SPATA13: variants seen among roughly 807,000 people sequenced by gnomAD.
SPATA13 encodes spermatogenesis associated 13, also known as spermatogenesis-associated protein 13.
Under a neutral mutation model 104.0 loss-of-function variants are expected in SPATA13, and 50 were observed. The ratio of observed to expected loss-of-function variants is 0.48; its 90% CI spans 0.38 to 0.61. SPATA13 has a LOEUF of 0.61. Among genes scored for constraint, SPATA13 ranks in the 20% least tolerant of loss-of-function variants. SPATA13 has a pLI of 0.00. For synonymous variants in SPATA13, 606 were observed against 667.5 expected (o/e 0.91, Z 1.42); for missense variants, 1,524 against 1,690.6 (o/e 0.90, Z 1.73).
chr13:24,049,201 C>T (rs910428985), intron 3 of SPATA13, among the ~76,000 whole-genome samples: 5 of 152,158 alleles, frequency 3.3e-5, no homozygotes, highest in African/African-American at 1.2e-4. Context: ...ACAGCAATAC[C>T]GTTGTGCCCA....
intron 3 of SPATA13, among the ~76,000 whole-genome samples, chr13:24,107,424 T>C (rs767946787): frequency 2.6e-5 from 4 of 151,996 alleles, no homozygotes; most frequent in Non-Finnish European, 4.4e-5. Context: ...TTGCCAAATG[T>C]TAAAAAGAAA....
rs368857210 is a variant in SPATA13 at position 24,168,354 on chromosome 13, C to T, written c.-112+7422C>T. 5.9e-5 allele frequency among the ~76,000 whole-genome samples: 9 copies of T among 152,206 alleles called. No individual in the cohort carries two copies. The East Asian group carries it at 1.5e-3, about 26-fold the overall frequency. On this transcript the variant is annotated intron_variant, in intron 1 of 12. Coordinates refer to ENST00000382108, the MANE Select transcript of SPATA13 (RefSeq NM_001166271.3). ...ATGAAAAATATGTGAATTCATGTCT[C>T]GAGTTTATGATTTGCTCTCTTTCTG...
At chr13:24,199,681 C>T (rs1870289939) in intron 1 of SPATA13, among the ~76,000 whole-genome samples, 1 of 152,114 alleles carries the variant, frequency 6.6e-6, no homozygotes, top group African/African-American at 2.4e-5. Flanking sequence ...GTGATCTAAG[C>T]TCTACTTCTG....
rs375004610 is a variant in SPATA13 at position 24,032,639 on chromosome 13, G to T, written c.-112+14938G>T. Among the ~76,000 whole-genome samples, 11 of 152,270 alleles carry T rather than the reference G, an allele frequency of 7.2e-5. No individual in the cohort carries two copies. In the East Asian group the frequency reaches 1.5e-3, roughly 21 times the overall value. On this transcript the variant is annotated intron_variant, in intron 3 of 14. Transcript: ENST00000424834. The stretch of plus-strand genomic sequence containing the variant: ...ATAGAAGATTTTGGTTGAAAATAAG[G>T]CATTAGAGTTTCAGAAACATGGGAA...
At chr13:24,254,397 C>T (rs567460662) in intron 4 of SPATA13, 1 of 152,420 alleles carries the variant, frequency 6.6e-6, no homozygotes, top group South Asian at 2.1e-4. Flanking sequence ...GTCACTGCTT[C>T]AGAGCTTGCG....
At chr13:24,156,487 T>G (rs1041044628), upstream of SPATA13, among the ~76,000 whole-genome samples, 8 of 152,202 alleles carry the variant, frequency 5.3e-5, no homozygotes, top group Non-Finnish European at 1.0e-4. Context: ...GGAGGCAAAA[T>G]GCTTTCCTCT....
chr13:24,191,227 C>T (rs2265618), intron 1 of SPATA13, among the ~76,000 whole-genome samples: 15,602 of 152,144 alleles, frequency 0.1, 2,585 homozygotes, highest in African/African-American at 0.35. Context: ...CCTCCTGCCT[C>T]GGCCTCCCAA....
chr13:24,028,712 G>A (rs1218259710), intron 3 of SPATA13, among the ~76,000 whole-genome samples: 1 of 152,164 alleles, frequency 6.6e-6, no homozygotes, highest in Non-Finnish European at 1.5e-5. Flanking sequence ...CCAATTGAAT[G>A]TTTGTCCGTT....
chr13:24,015,962 C>T (rs1211863795), intron 2 of SPATA13, among the ~76,000 whole-genome samples: 1 of 152,206 alleles, frequency 6.6e-6, no homozygotes, highest in Non-Finnish European at 1.5e-5. Flanking sequence ...CTTCTGCCCT[C>T]GGATGTCGCG....
chr13:24,122,362 G>C (rs1416374110), intron 3 of SPATA13: 1 of 1,553,540 alleles, frequency 6.4e-7, no homozygotes, highest in Non-Finnish European at 8.9e-7. Flanking sequence ...CACATCAACA[G>C]GGTTATCTTC....
At chr13:24,130,024 C>A (rs1881342766) in intron 3 of SPATA13, among the ~76,000 whole-genome samples, 1 of 152,214 alleles carries the variant, frequency 6.6e-6, no homozygotes, top group African/African-American at 2.4e-5. Flanking sequence ...GGTGAGGTAG[C>A]CAGGAGGCTA....
rs919859058 is a variant in SPATA13 at position 24,303,062 on chromosome 13, T to C, written c.*289T>C. 1.3e-5 allele frequency: 6 copies of C among 456,942 alleles called. No homozygotes were observed. Among genetic ancestry groups the C allele is most frequent in the Non-Finnish European group, 2.4e-5 (6 of 246,554 alleles). The allele number at this position is 456,942 out of a possible 1,614,324, so 28.3% of individuals were successfully genotyped here. ...ACCCGGTACCATGCTCTAAAGCGAG[T>C]GATTAGGCAGCAGCTGAAGCCACCC... On this transcript the variant is annotated 3_prime_UTR_variant, in exon 13 of 13. Coordinates refer to ENST00000382108, the MANE Select transcript of SPATA13 (RefSeq NM_001166271.3).
chr13:23,990,426 C>T (rs955454568), intron 2 of SPATA13, among the ~76,000 whole-genome samples: 5 of 152,140 alleles, frequency 3.3e-5, no homozygotes, highest in Admixed American at 3.3e-4. Flanking sequence ...TCCACTGTTC[C>T]CAATAGTGAT....
At chr13:24,297,767 G>A in intron 11 of SPATA13, 32 bp downstream of exon 11, 1 of 1,578,826 alleles carries the variant, frequency 6.3e-7, no homozygotes. Context: ...AGGCACCTGT[G>A]CCTCTGCTTG....
chr13:24,278,859 A>G (rs769412163), intron 4 of SPATA13: 1 of 1,519,048 alleles, frequency 6.6e-7, no homozygotes, highest in South Asian at 1.2e-5. Context: ...CATGAAGTCC[A>G]CATGCTGTTT....
At chr13:24,277,223 T>A (rs1875057387) in intron 4 of SPATA13, among the ~76,000 whole-genome samples, 1 of 151,906 alleles carries the variant, frequency 6.6e-6, no homozygotes, top group African/African-American at 2.4e-5. Context: ...GGCGGGCGGA[T>A]CACAAGGTCA....
chr13:24,247,837 T>C (rs987723738), intron 2 of SPATA13, among the ~76,000 whole-genome samples: 1 of 152,122 alleles, frequency 6.6e-6, no homozygotes, highest in African/African-American at 2.4e-5. Flanking sequence ...ACCCTCAGGC[T>C]GGAAATGGCG....
At chr13:24,086,419 G>A (rs1488298185) in intron 3 of SPATA13, among the ~76,000 whole-genome samples, 2 of 152,092 alleles carry the variant, frequency 1.3e-5, no homozygotes, top group Non-Finnish European at 2.9e-5. Context: ...AGCTGCGGTC[G>A]AAGAAGACAC....
At chr13:24,241,071 G>T (rs951692448) in intron 2 of SPATA13, among the ~76,000 whole-genome samples, 1 of 152,198 alleles carries the variant, frequency 6.6e-6, no homozygotes, top group African/African-American at 2.4e-5. Context: ...ATTAGAAAAG[G>T]TTAGCTTAGT....
Sources: allele counts gnomAD v4.1 joint callset (sites outside exome capture counted in the v4.1 genomes callset), GRCh38; gene constraint gnomAD v4.1.1; transcripts MANE v1.5; gene names NCBI Gene and HGNC (gene_info 2026-07-23, HGNC 2026-07-21).